RASA3: variants seen among roughly 807,000 people sequenced by gnomAD.
The protein encoded by RASA3 is RAS p21 protein activator 3.
Under a neutral mutation model 110.0 loss-of-function variants are expected in RASA3, and 73 were observed. The observed-to-expected ratio is 0.66, with a 90% confidence interval of 0.55 to 0.81. The LOEUF (loss-of-function observed/expected upper bound fraction) is 0.81, where lower values mean the gene tolerates loss of function less well. Ranked by LOEUF, RASA3 falls within the 30% of genes least tolerant of loss-of-function variation. The pLI is 0.00. For synonymous variants in RASA3, 500 were observed against 451.4 expected (o/e 1.11, Z -1.37); for missense variants, 976 against 1,113.2 (o/e 0.88, Z 1.75).
chr13:114,048,327 AAAG>A lies in RASA3; in HGVS notation c.277+3722_277+3724del, dbSNP rs1225263470. 1.1e-3 allele frequency among the ~76,000 whole-genome samples: 171 copies of A among 151,628 alleles called. No individual in the cohort carries two copies. Among genetic ancestry groups the A allele is most frequent in the African/African-American group, 3.8e-3 (156 of 41,380 alleles). ...GAGACTCCGTCTCAAAAAAAAAAAAAAAGAAGAAGAAAAGAATGGAGGTCTCAC... is the reference window on the plus strand; with the variant it reads ...GAGACTCCGTCTCAAAAAAAAAAAAAAAGAAGAAAAGAATGGAGGTCTCAC... On this transcript the variant is annotated intron_variant, in intron 3 of 23. Transcript: ENST00000334062. This position sits in a 1 kb window ranked among gnomAD's most constrained non-coding sequence, Gnocchi z 4.3.
chr13:114,051,016 G>A (rs1334645154), intron 3 of RASA3, among the ~76,000 whole-genome samples: 1 of 152,232 alleles, frequency 6.6e-6, no homozygotes, highest in African/African-American at 2.4e-5. Context: ...TGGAGCGGCC[G>A]TGACACGGTG....
rs181001102 is a variant in RASA3 at position 114,039,079 on chromosome 13, C to A, written c.372+1921G>T. ...TGGGAAAACTGAGGCCTGCAAAGGA[C>A]GTTGGCAACAATCCGATGAGGGAGC... On this transcript the variant is annotated intron_variant, in intron 4 of 23. Transcript: ENST00000334062. Among the ~76,000 whole-genome samples the A allele has an allele frequency of 1.6e-3, 238 of 152,336 alleles. 1 individual carries two copies. Among genetic ancestry groups the A allele is most frequent in the African/African-American group, 5.5e-3 (229 of 41,572 alleles).
rs973154503 is a variant in RASA3, at chr13:114,115,286, C to T, written c.55+17149G>A. Among the ~76,000 whole-genome samples the T allele has an allele frequency of 2.6e-5, 4 of 152,186 alleles. No homozygotes were observed. The highest frequency in any genetic ancestry group is 4.8e-5 in the African/African-American group (2 of 41,432). ...TTTCCCGAGTGTCTCCTGGCTGGGA[C>T]GGCTGGTGAGGATGTGAGTTCAATA... On this transcript the variant is annotated intron_variant, in intron 1 of 23. Coordinates refer to ENST00000334062, the MANE Select transcript of RASA3 (RefSeq NM_007368.4). The surrounding 1 kb of genome is among the most constrained non-coding windows in gnomAD (Gnocchi z 5.0).
rs1246645904 is a variant in RASA3 at position 114,057,653 on chromosome 13, G to A, written c.174-5498C>T. Among the ~76,000 whole-genome samples, 1 of 152,202 alleles carries A rather than the reference G, an allele frequency of 6.6e-6. No individual in the cohort carries two copies. Among genetic ancestry groups the A allele is most frequent in the African/African-American group, 2.4e-5 (1 of 41,450 alleles). On this transcript the variant is annotated intron_variant, in intron 2 of 23. Coordinates refer to ENST00000334062, the MANE Select transcript of RASA3 (RefSeq NM_007368.4). The surrounding 1 kb of genome is among the most constrained non-coding windows in gnomAD (Gnocchi z 5.0). ...GATGCCATAGCCAGGGAGCCCTGAAGAAACTCCTGGAAGAATGTAAAACCC... is the reference window on the plus strand; with the variant it reads ...GATGCCATAGCCAGGGAGCCCTGAAAAAACTCCTGGAAGAATGTAAAACCC...
At position 114,014,529 on chromosome 13, in the gene RASA3, C is replaced by G. The variant is rs59989044; in HGVS notation, c.1405+680G>C. On this transcript the variant is annotated intron_variant, in intron 14 of 23. Coordinates refer to ENST00000334062, the MANE Select transcript of RASA3 (RefSeq NM_007368.4). This position sits in a 1 kb window ranked among gnomAD's most constrained non-coding sequence, Gnocchi z 4.5. ...AGGAAGAGAGGAGCCGGCAGCAAGG[C>G]CCTCGCTGAGCCTCTCAGCGCCCCA... Among the ~76,000 whole-genome samples, 48,431 of 152,000 alleles carry G rather than the reference C, an allele frequency of 0.32. 7,833 individuals carry two copies. The highest frequency in any genetic ancestry group is 0.41 in the East Asian group (2,086 of 5,132).
intron 16 of RASA3, among the ~76,000 whole-genome samples, chr13:114,010,072 G>A (rs1186243859): frequency 2.0e-5 from 3 of 152,210 alleles, no homozygotes; most frequent in Non-Finnish European, 4.4e-5. Flanking sequence ...TCAAGTGCCT[G>A]TTATGGAGTT....
chr13:114,079,124 C>T (rs1014660745), intron 1 of RASA3, among the ~76,000 whole-genome samples: 1 of 152,238 alleles, frequency 6.6e-6, no homozygotes, highest in African/African-American at 2.4e-5. Context: ...GGACGAGGGC[C>T]CAGGGCTCCA....
At chr13:114,004,707 A>C (rs909723740) in intron 18 of RASA3, among the ~76,000 whole-genome samples, 1 of 152,186 alleles carries the variant, frequency 6.6e-6, no homozygotes, top group African/African-American at 2.4e-5. Flanking sequence ...ATTAGCGCTT[A>C]AGGAAACCCA....
rs370686227 is a variant in RASA3, at chr13:114,014,440, C to T, written c.1405+769G>A. On this transcript the variant is annotated intron_variant, in intron 14 of 23. Coordinates refer to ENST00000334062, the MANE Select transcript of RASA3 (RefSeq NM_007368.4). This position sits in a 1 kb window ranked among gnomAD's most constrained non-coding sequence, Gnocchi z 4.5. ...TCTCCTGGGGACACAGAAGCGTGGA[C>T]GGCTCTGCAGGACCATGGCCACCCC... is the stretch of plus-strand genomic sequence containing the variant. 2.0e-5 allele frequency among the ~76,000 whole-genome samples: 3 copies of T among 152,226 alleles called. No homozygotes were observed. The highest frequency in any genetic ancestry group is 1.9e-4 in the East Asian group (1 of 5,158).
chr13:114,013,592 CT>C (rs2053697471), intron 14 of RASA3, among the ~76,000 whole-genome samples: 2 of 109,792 alleles, frequency 1.8e-5, no homozygotes, highest in Non-Finnish European at 3.6e-5. Flanking sequence ...CTCTCTCTCT[CT>C]CCGTCTCTGG....
At position 114,062,614 on chromosome 13, in the gene RASA3, C is replaced by T. The variant is rs533257461; in HGVS notation, c.174-10459G>A. On this transcript the variant is annotated intron_variant, in intron 2 of 23. Coordinates refer to ENST00000334062, the MANE Select transcript of RASA3 (RefSeq NM_007368.4). ...CCACGTCCGCACGCAGACTCAGACA[C>T]GCGTGCTCACAGCCCACGTCCGCAT... Among the ~76,000 whole-genome samples the T allele has an allele frequency of 4.4e-3, 636 of 145,326 alleles. 4 individuals are homozygous for T. Among genetic ancestry groups the T allele is most frequent in the African/African-American group, 0.012 (462 of 37,768 alleles).
chr13:114,039,072 CA>C (rs2054339278), intron 4 of RASA3, among the ~76,000 whole-genome samples: 1 of 152,252 alleles, frequency 6.6e-6, no homozygotes, highest in South Asian at 2.1e-4. Flanking sequence ...CTGAGGCCTG[CA>C]AAGGACGTTG....
chr13:114,017,677 C>A (rs1345360943), intron 11 of RASA3, among the ~76,000 whole-genome samples: 1 of 152,254 alleles, frequency 6.6e-6, no homozygotes, highest in Admixed American at 6.5e-5. Context: ...CAGACCCTGG[C>A]AGCATCCAAG....
rs907860211 is a variant in RASA3, at chr13:114,016,595, GCT to G, written c.1207-326_1207-325del. On this transcript the variant is annotated intron_variant, in intron 12 of 23. Coordinates refer to ENST00000334062, the MANE Select transcript of RASA3 (RefSeq NM_007368.4). ...CCATGGCCGCGATCAGACGAGCCGGGCTCTCTCAGGGAGCGATGTGCGCCCGC... is the reference window on the plus strand; with the variant it reads ...CCATGGCCGCGATCAGACGAGCCGGGCTCTCAGGGAGCGATGTGCGCCCGC... Among the ~76,000 whole-genome samples the G allele has an allele frequency of 6.6e-5, 10 of 152,340 alleles. 1 individual carries two copies. In the East Asian group the frequency reaches 9.7e-4, roughly 15 times the overall value.
intron 23 of RASA3, among the ~76,000 whole-genome samples, chr13:113,980,091 A>ACGTGTGTGCACCCCTCTCG (rs1566436334): frequency 3.0e-4 from 19 of 63,576 alleles, no homozygotes; most frequent in Non-Finnish European, 2.8e-4. Context: ...ACCACCTCCC[A>ACGTGTGTGCACCCCTCTCG]CGTGTGTGCA....
chr13:113,991,050 C>T (rs563801330), intron 22 of RASA3, among the ~76,000 whole-genome samples: 2 of 138,712 alleles, frequency 1.4e-5, no homozygotes, highest in South Asian at 5.2e-4. Flanking sequence ...GGCAGCTGTG[C>T]GGACACCCAG....
chr13:114,098,124 A>G (rs1417418106), intron 1 of RASA3, among the ~76,000 whole-genome samples: 3 of 152,148 alleles, frequency 2.0e-5, no homozygotes, highest in Non-Finnish European at 4.4e-5. Context: ...CAAAACCCCA[A>G]GTCTGGGGGC....
intron 1 of RASA3, among the ~76,000 whole-genome samples, chr13:114,108,103 C>T (rs899907136): frequency 3.3e-5 from 5 of 152,076 alleles, no homozygotes; most frequent in Non-Finnish European, 5.9e-5. Context: ...TTCCCATTCA[C>T]TCCCACCCCC....
chr13:114,076,135 C>A (rs77072415), intron 1 of RASA3, among the ~76,000 whole-genome samples: 2,210 of 152,334 alleles, frequency 0.015, 136 homozygotes, highest in Admixed American at 0.1. Flanking sequence ...GTCTACCTCT[C>A]TGGGCCTCAA....
Sources: allele counts gnomAD v4.1 joint callset (sites outside exome capture counted in the v4.1 genomes callset), GRCh38; gene constraint gnomAD v4.1.1; non-coding constraint Gnocchi (gnomAD v3.1); transcripts MANE v1.5; gene names NCBI Gene and HGNC (gene_info 2026-07-23, HGNC 2026-07-21).